PRELID2: variants seen among roughly 807,000 people sequenced by gnomAD.
PRELID2 encodes PRELI domain containing 2.
Under a neutral mutation model 28.4 loss-of-function variants are expected in PRELID2, and 25 were observed. That is an observed-to-expected ratio of 0.88 (90% CI 0.64 to 1.23). The LOEUF (loss-of-function observed/expected upper bound fraction) is 1.23. Among genes scored for constraint, PRELID2 ranks in the 50% most tolerant of loss-of-function variants. PRELID2 has a pLI of 0.00. For missense variants in PRELID2, 201 were observed against 214.4 expected (o/e 0.94, Z 0.39); for synonymous variants, 76 against 71.6 (o/e 1.06, Z -0.31).
the PRELID2 span, among the ~76,000 whole-genome samples, chr5:145,406,562 C>A: frequency 6.6e-6 from 1 of 152,238 alleles, no homozygotes. Flanking sequence ...AGGAAAATGG[C>A]AGATTGGAGA....
intron 1 of PRELID2, among the ~76,000 whole-genome samples, chr5:145,828,968 C>T (rs887121227): frequency 6.0e-5 from 9 of 151,210 alleles, no homozygotes; most frequent in Non-Finnish European, 1.2e-4. Flanking sequence ...CTCCCGAGTA[C>T]CTGGGACTAC....
At chr5:145,448,957 T>C in the PRELID2 span, among the ~76,000 whole-genome samples, 18 of 152,220 alleles carry the variant, frequency 1.2e-4, no homozygotes, top group South Asian at 3.7e-3. Context: ...CTCACTTAAA[T>C]AGAAGGAAAT....
intron 1 of PRELID2, among the ~76,000 whole-genome samples, chr5:145,831,052 G>GA (rs61642495): frequency 0.033 from 4,906 of 150,642 alleles, 276 homozygotes; most frequent in African/African-American, 0.11. Context: ...GCTTTCCTTT[G>GA]AAAAAAAAAT....
Position 145,747,905 on chromosome 5 carries a change from A to C in PRELID2, n.70+17026T>G, listed in dbSNP as rs139878038. Among the ~76,000 whole-genome samples, 59 of 152,268 alleles carry C rather than the reference A, an allele frequency of 3.9e-4. 1 individual carries two copies. In the East Asian group the frequency reaches 0.011, roughly 28 times the overall value. ...TCACATAAACAGAACCAAAGACAAA[A>C]ATCACTTGATTATCTCAATAGATGC... On this transcript the variant is annotated intron_variant and non_coding_transcript_variant, in intron 1 of 2. Coordinates refer to the PRELID2 transcript ENST00000510259.
chr5:145,571,738 T>C (rs1753016599), intron 1 of PRELID2, among the ~76,000 whole-genome samples: 1 of 151,964 alleles, frequency 6.6e-6, no homozygotes, highest in Non-Finnish European at 1.5e-5. Flanking sequence ...TCCCAACACT[T>C]TGGGAGGCTG....
downstream of PRELID2, among the ~76,000 whole-genome samples, chr5:145,753,310 C>G (rs1757174354): frequency 6.6e-6 from 1 of 152,168 alleles, no homozygotes; most frequent in Non-Finnish European, 1.5e-5. Flanking sequence ...CAGGTTAACC[C>G]TTCAAGACAA....
chr5:145,799,425 G>A (rs1581227654), intron 4 of PRELID2, among the ~76,000 whole-genome samples: 1 of 152,172 alleles, frequency 6.6e-6, no homozygotes, highest in African/African-American at 2.4e-5. Context: ...TATATGCTAA[G>A]TGCCATACTG....
At chr5:145,574,505 G>C (rs1459557046) in intron 1 of PRELID2, among the ~76,000 whole-genome samples, 1 of 152,198 alleles carries the variant, frequency 6.6e-6, no homozygotes, top group South Asian at 2.1e-4. Context: ...TGGCACTGGT[G>C]CTAGTGAAAT....
At chr5:145,364,645 T>G in the PRELID2 span, among the ~76,000 whole-genome samples, 1 of 151,960 alleles carries the variant, frequency 6.6e-6, no homozygotes, top group Admixed American at 6.6e-5. Flanking sequence ...AGAAAGACAT[T>G]AGATAAGGGG....
At chr5:145,663,376 G>T (rs1270245265) in intron 1 of PRELID2, among the ~76,000 whole-genome samples, 1 of 151,992 alleles carries the variant, frequency 6.6e-6, no homozygotes, top group African/African-American at 2.4e-5. Context: ...AGATATATTT[G>T]CCATCTCTGG....
At chr5:145,775,257 G>A (rs1435210624) in intron 5 of PRELID2, among the ~76,000 whole-genome samples, 2 of 151,810 alleles carry the variant, frequency 1.3e-5, no homozygotes, top group Non-Finnish European at 2.9e-5. Flanking sequence ...AAAAGAAACA[G>A]TAGCATAATC....
chr5:145,252,748 T>TACC, the PRELID2 span, among the ~76,000 whole-genome samples: 3 of 152,048 alleles, frequency 2.0e-5, no homozygotes, highest in South Asian at 6.2e-4. Context: ...AGAGCTTCAG[T>TACC]TTAGAAAGAC....
At chr5:145,320,340 G>C in the PRELID2 span, among the ~76,000 whole-genome samples, 4 of 151,092 alleles carry the variant, frequency 2.6e-5, no homozygotes, top group Non-Finnish European at 4.4e-5. Flanking sequence ...GCGGGATCTC[G>C]GCTCACTGCA....
At chr5:145,459,288 A>T in the PRELID2 span, among the ~76,000 whole-genome samples, 36 of 152,324 alleles carry the variant, frequency 2.4e-4, no homozygotes, top group African/African-American at 8.4e-4. Flanking sequence ...CAAATTATAC[A>T]TTCTTTATCC....
intron 1 of PRELID2, among the ~76,000 whole-genome samples, chr5:145,493,883 C>T (rs79824188): frequency 0.011 from 1,747 of 152,234 alleles, 87 homozygotes; most frequent in Admixed American, 0.089. Flanking sequence ...TTTTAAATGA[C>T]TCTTAAGAAT....
At chr5:145,240,171 A>G in the PRELID2 span, among the ~76,000 whole-genome samples, 5 of 151,962 alleles carry the variant, frequency 3.3e-5, no homozygotes, top group East Asian at 9.7e-4. Flanking sequence ...AAATGGGTAC[A>G]TCTCACTGGC....
chr5:145,259,322 C>T, the PRELID2 span, among the ~76,000 whole-genome samples: 2 of 152,098 alleles, frequency 1.3e-5, no homozygotes, highest in Admixed American at 1.3e-4. Context: ...CTGCAGACCA[C>T]AAAGTGGTAG....
At chr5:145,474,765 G>T (rs1752084702) in intron 1 of PRELID2, among the ~76,000 whole-genome samples, 1 of 152,170 alleles carries the variant, frequency 6.6e-6, no homozygotes, top group African/African-American at 2.4e-5. Flanking sequence ...GCATGCTACA[G>T]ATTGTAGTAG....
At chr5:145,571,844 G>C (rs959349415) in intron 1 of PRELID2, among the ~76,000 whole-genome samples, 1 of 152,012 alleles carries the variant, frequency 6.6e-6, no homozygotes, top group Non-Finnish European at 1.5e-5. Flanking sequence ...AGCCACGCTT[G>C]GTGGCAGATG....
Sources: allele counts gnomAD v4.1 joint callset (sites outside exome capture counted in the v4.1 genomes callset), GRCh38; gene constraint gnomAD v4.1.1; transcripts MANE v1.5; gene names NCBI Gene and HGNC (gene_info 2026-07-23, HGNC 2026-07-21).